Variants in PHF24 observed in about 807,000 individuals in gnomAD.
PHF24 encodes PHD finger protein 24, also known as Galpha inhibitory interacting protein.
In PHF24, 25 loss-of-function variants were observed where a neutral mutation model predicts 42.6. The observed-to-expected ratio is 0.59, with a 90% CI of 0.43 to 0.82. PHF24 has a LOEUF of 0.82. Among genes scored for constraint, PHF24 ranks in the 40% least tolerant of loss-of-function variants. The pLI, the probability that PHF24 is intolerant of heterozygous loss-of-function variation, is 0.00. For missense variants in PHF24, 470 were observed against 538.1 expected, an observed-to-expected ratio of 0.87 and a Z score of 1.25; for synonymous variants, 185 against 204.8, an observed-to-expected ratio of 0.90 and a Z score of 0.83.
chr9:34,879,491 A>G, the PHF24 span, among the ~76,000 whole-genome samples: 1 of 152,140 alleles, frequency 6.6e-6, no homozygotes, highest in African/African-American at 2.4e-5. Context: ...ATGGCTAACT[A>G]AACAGTATAG....
At chr9:34,875,987 C>CTCTCTCTCTCTCTCTCTCTA in the PHF24 span, among the ~76,000 whole-genome samples, 1 of 145,946 alleles carries the variant, frequency 6.9e-6, no homozygotes, top group Admixed American at 6.9e-5. Context: ...CTCTCTCTCT[C>CTCTCTCTCTCTCTCTCTCTA]ACTCCTTCCA....
chr9:34,890,147 C>CT, the PHF24 span, among the ~76,000 whole-genome samples: 2 of 152,194 alleles, frequency 1.3e-5, no homozygotes, highest in Non-Finnish European at 1.5e-5. Flanking sequence ...AAGAAAGATC[C>CT]TGGAGATATA....
At chr9:34,687,224 C>G in the PHF24 span, among the ~76,000 whole-genome samples, 1 of 152,272 alleles carries the variant, frequency 6.6e-6, no homozygotes, top group Non-Finnish European at 1.5e-5. Flanking sequence ...GAATCCAAGG[C>G]ACTTCACTAG....
chr9:34,861,803 A>G, the PHF24 span, among the ~76,000 whole-genome samples: 4 of 152,212 alleles, frequency 2.6e-5, no homozygotes, highest in Admixed American at 2.6e-4. Context: ...TTGATGAGGA[A>G]CAGGATATTT....
the PHF24 span, among the ~76,000 whole-genome samples, chr9:34,822,609 A>T: frequency 6.6e-6 from 1 of 152,160 alleles, no homozygotes. Flanking sequence ...TAGGGTTGTT[A>T]TGTGCGTGAT....
the PHF24 span, chr9:34,889,395 C>T: frequency 2.5e-6 from 1 of 398,516 alleles, no homozygotes; most frequent in African/African-American, 2.1e-5. Flanking sequence ...GAAGATCAGG[C>T]CTTCCTCCTC....
chr9:34,789,710 A>G, the PHF24 span, among the ~76,000 whole-genome samples: 1,263 of 152,388 alleles, frequency 8.3e-3, 17 homozygotes, highest in Admixed American at 0.028. Context: ...TGGAACTGTC[A>G]AACTAAATAA....
chr9:34,718,543 G>A, the PHF24 span, among the ~76,000 whole-genome samples: 2 of 152,240 alleles, frequency 1.3e-5, no homozygotes, highest in Non-Finnish European at 2.9e-5. Flanking sequence ...GGACACAGGG[G>A]CTATTCTGGC....
At chr9:34,810,654 G>A in the PHF24 span, among the ~76,000 whole-genome samples, 1 of 152,210 alleles carries the variant, frequency 6.6e-6, no homozygotes, top group South Asian at 2.1e-4. Context: ...TGGGATCCAT[G>A]AGTGACTTCC....
the PHF24 span, among the ~76,000 whole-genome samples, chr9:34,814,982 C>G: frequency 6.6e-6 from 1 of 152,196 alleles, no homozygotes; most frequent in East Asian, 1.9e-4. Flanking sequence ...CTCAGGTGAT[C>G]TGCCCACCCA....
chr9:34,846,817 T>G, the PHF24 span, among the ~76,000 whole-genome samples: 1 of 152,336 alleles, frequency 6.6e-6, no homozygotes, highest in South Asian at 2.1e-4. Context: ...TTTCTACATA[T>G]GGCTAGCCAG....
At chr9:34,667,227 A>G in the PHF24 span, among the ~76,000 whole-genome samples, 4 of 152,148 alleles carry the variant, frequency 2.6e-5, no homozygotes, top group African/African-American at 7.2e-5. Flanking sequence ...GGCTGACTGT[A>G]TAGGAGGGAG....
the PHF24 span, among the ~76,000 whole-genome samples, chr9:34,918,611 A>G: frequency 6.6e-6 from 1 of 152,220 alleles, no homozygotes; most frequent in Non-Finnish European, 1.5e-5. Flanking sequence ...AATTCTTAGC[A>G]GTGGTTATTT....
chr9:34,723,832 C>G, the PHF24 span: 4 of 1,551,714 alleles, frequency 2.6e-6, no homozygotes, highest in Non-Finnish European at 2.6e-6. Context: ...CTTGCAGGTC[C>G]TTCTCAGACT....
At chr9:34,978,121 G>A (rs2132939957) in exon 8 of PHF24, 1 of 1,606,242 alleles carries the variant, frequency 6.2e-7, no homozygotes, top group South Asian at 1.1e-5. Flanking sequence ...GCATGGAGCA[G>A]AGAAGCTCGG....
the PHF24 span, among the ~76,000 whole-genome samples, chr9:34,718,692 A>G: frequency 6.6e-6 from 1 of 152,304 alleles, no homozygotes; most frequent in African/African-American, 2.4e-5. Context: ...CATGGAGTCT[A>G]TTCCTGTGTT....
rs1182240095 is a variant in PHF24, at chr9:34,976,741, G to T, written c.849+1G>T. The stretch of plus-strand genomic sequence containing the variant: ...GCTTCTGCAGCAGTTGCGTCCCCAG[G>T]TGAGGGCCAGTTGGGGCAAATGTTC... On this transcript the variant is annotated splice_donor_variant, in intron 5 of 7. Transcript: ENST00000242315. LOFTEE classifies it high-confidence loss of function. 1 of 1,611,764 alleles carries T rather than the reference G, an allele frequency of 6.2e-7. No homozygotes were observed.
At chr9:34,846,257 A>G in the PHF24 span, among the ~76,000 whole-genome samples, 2 of 152,074 alleles carry the variant, frequency 1.3e-5, no homozygotes, top group Non-Finnish European at 2.9e-5. Flanking sequence ...CCTCTCCAGC[A>G]CCTGTTTTTC....
the PHF24 span, among the ~76,000 whole-genome samples, chr9:34,711,636 G>A: frequency 2.0e-5 from 3 of 151,114 alleles, no homozygotes; most frequent in African/African-American, 4.9e-5. Flanking sequence ...TCCACCCTCC[G>A]GGTTCAAGCC....
Sources: allele counts gnomAD v4.1 joint callset (sites outside exome capture counted in the v4.1 genomes callset), GRCh38; gene constraint gnomAD v4.1.1; transcripts MANE v1.5; gene names NCBI Gene and HGNC (gene_info 2026-07-23, HGNC 2026-07-21).